SH3RF3: variants seen among roughly 807,000 people sequenced by gnomAD.
SH3RF3 encodes E3 ubiquitin-protein ligase SH3RF3.
In SH3RF3, 29 loss-of-function variants were observed where a neutral mutation model predicts 66.3. The observed-to-expected ratio is 0.44, with a 90% CI of 0.33 to 0.60. The LOEUF (loss-of-function observed/expected upper bound fraction) is 0.60, where lower values mean the gene tolerates loss of function less well. SH3RF3 is among the 20% of genes least tolerant of loss of function. The pLI is 0.04. For synonymous variants in SH3RF3, 583 were observed against 532.0 expected (o/e 1.10, Z -1.32); for missense variants, 1,194 against 1,190.9 (o/e 1.00, Z -0.04).
chr2:109,264,837 G>A (rs1451331441), intron 1 of SH3RF3, among the ~76,000 whole-genome samples: 2 of 152,226 alleles, frequency 1.3e-5, no homozygotes, highest in African/African-American at 2.4e-5. Flanking sequence ...TTTCTGGAGT[G>A]TGCTATTTTC....
At chr2:109,331,905 C>G (rs1264931295) in intron 1 of SH3RF3, among the ~76,000 whole-genome samples, 1 of 152,200 alleles carries the variant, frequency 6.6e-6, no homozygotes, top group African/African-American at 2.4e-5. Flanking sequence ...AGTCCACTGC[C>G]TCTCTGGAGG....
intron 5 of SH3RF3, among the ~76,000 whole-genome samples, chr2:109,428,120 G>GA (rs1280372980): frequency 2.6e-5 from 4 of 152,216 alleles, no homozygotes; most frequent in Non-Finnish European, 4.4e-5. Context: ...TGGAAGAGGT[G>GA]AGGAGGAAGC....
intron 1 of SH3RF3, among the ~76,000 whole-genome samples, chr2:109,194,767 T>C (rs948533076): frequency 2.0e-5 from 3 of 152,212 alleles, no homozygotes; most frequent in African/African-American, 7.2e-5. Flanking sequence ...ATGCTCAAGC[T>C]CTGCCCAGAA....
chr2:109,257,640 T>C (rs1349803630), intron 1 of SH3RF3, among the ~76,000 whole-genome samples: 1 of 152,122 alleles, frequency 6.6e-6, no homozygotes, highest in Non-Finnish European at 1.5e-5. Context: ...AAGAAGACTT[T>C]CCTTCTGAGT....
At chr2:109,493,209 ACACT>A (rs1206439137) in intron 9 of SH3RF3, among the ~76,000 whole-genome samples, 2,178 of 151,868 alleles carry the variant, frequency 0.014, 47 homozygotes, top group African/African-American at 0.05. Flanking sequence ...TATCATATAA[ACACT>A]CACACATTAC....
At chr2:109,392,601 G>T (rs541028194) in intron 3 of SH3RF3, among the ~76,000 whole-genome samples, 1 of 152,014 alleles carries the variant, frequency 6.6e-6, no homozygotes, top group Admixed American at 6.6e-5. Flanking sequence ...CTCAAGCTCC[G>T]CCTCGTGGGT....
At chr2:109,285,141 C>T (rs1233721597) in intron 1 of SH3RF3, among the ~76,000 whole-genome samples, 3 of 152,200 alleles carry the variant, frequency 2.0e-5, no homozygotes, top group Non-Finnish European at 4.4e-5. Context: ...GTAGGGGTGA[C>T]AGTGAGGCTT....
intron 2 of SH3RF3, among the ~76,000 whole-genome samples, chr2:109,370,817 A>G: frequency 6.6e-6 from 1 of 152,012 alleles, no homozygotes; most frequent in East Asian, 1.9e-4. Context: ...TTGTGCATTT[A>G]TACTTGGTAT....
At position 109,486,212 on chromosome 2, in the gene SH3RF3, T is replaced by C. The variant is rs925026874; in HGVS notation, c.2149-4393T>C. 5.3e-5 allele frequency among the ~76,000 whole-genome samples: 8 copies of C among 152,370 alleles called. No individual in the cohort carries two copies. The East Asian group carries it at 1.2e-3, about 22-fold the overall frequency. On this transcript the variant is annotated intron_variant, in intron 8 of 9. Coordinates refer to ENST00000309415, the MANE Select transcript of SH3RF3 (RefSeq NM_001099289.3). ...TTGCATGACGACCATTGGCTTCTGA[T>C]TGATCACTTCCTATGTTCTGTATCA...
rs370281537 is a variant in SH3RF3 at position 109,392,642 on chromosome 2, C to A, written c.946-5948C>A. ...CCAGCCGTTCTCCTGCCTCAGCCTCCGGAGTAGCTGGGACTACAGGCGCCT... is the reference window on the plus strand; with the variant it reads ...CCAGCCGTTCTCCTGCCTCAGCCTCAGGAGTAGCTGGGACTACAGGCGCCT... On this transcript the variant is annotated intron_variant, in intron 3 of 9. Coordinates refer to ENST00000309415, the MANE Select transcript of SH3RF3 (RefSeq NM_001099289.3). 2.0e-5 allele frequency among the ~76,000 whole-genome samples: 3 copies of A among 152,228 alleles called. No homozygotes were observed. The South Asian group carries it at 6.2e-4, about 32-fold the overall frequency.
At chr2:109,420,530 C>G (rs376764758) in intron 5 of SH3RF3, among the ~76,000 whole-genome samples, 2 of 152,134 alleles carry the variant, frequency 1.3e-5, no homozygotes, top group South Asian at 4.1e-4. Flanking sequence ...ACTGCAAGCT[C>G]CGCCCCCCAG....
intron 6 of SH3RF3, among the ~76,000 whole-genome samples, chr2:109,433,666 T>C (rs1280254398): frequency 6.6e-6 from 1 of 152,202 alleles, no homozygotes; most frequent in Non-Finnish European, 1.5e-5. Context: ...TCGGGACACA[T>C]GCGGTGTTGA....
In SH3RF3 at chr2:109,486,975, C is replaced by G. The variant is rs201829501; in HGVS notation, c.2149-3630C>G. The stretch of plus-strand genomic sequence containing the variant: ...GCTGAACTGATTGGAGCCTGGCCAT[C>G]CAGAAGGGTCATTGGAATGGAAAGT... On this transcript the variant is annotated intron_variant, in intron 8 of 9. Transcript: ENST00000309415. Among the ~76,000 whole-genome samples, 12 of 152,246 alleles carry G rather than the reference C, an allele frequency of 7.9e-5. No individual in the cohort carries two copies. The East Asian group carries it at 2.3e-3, about 29-fold the overall frequency.
At chr2:109,228,549 A>C (rs1325813766) in intron 1 of SH3RF3, among the ~76,000 whole-genome samples, 2 of 152,070 alleles carry the variant, frequency 1.3e-5, no homozygotes, top group Non-Finnish European at 2.9e-5. Flanking sequence ...GCTAGTATGG[A>C]CCCTGCAGGT....
intron 8 of SH3RF3, among the ~76,000 whole-genome samples, chr2:109,478,658 A>C (rs1052104382): frequency 6.6e-6 from 1 of 152,118 alleles, no homozygotes; most frequent in African/African-American, 2.4e-5. Flanking sequence ...TTTCCATCCC[A>C]CACTTGTTTA....
intron 6 of SH3RF3, among the ~76,000 whole-genome samples, chr2:109,436,127 A>G (rs934181185): frequency 1.3e-5 from 2 of 152,208 alleles, no homozygotes; most frequent in Non-Finnish European, 2.9e-5. Context: ...GTGTCTTGAA[A>G]TAAGATCCTG....
intron 1 of SH3RF3, among the ~76,000 whole-genome samples, chr2:109,170,501 A>G (rs1308411621): frequency 6.6e-6 from 1 of 151,960 alleles, no homozygotes; most frequent in Non-Finnish European, 1.5e-5. Flanking sequence ...GCACACCACC[A>G]TGCCTGGCTA....
At chr2:109,352,974 C>T (rs1682871995) in intron 2 of SH3RF3, among the ~76,000 whole-genome samples, 1 of 152,274 alleles carries the variant, frequency 6.6e-6, no homozygotes, top group Non-Finnish European at 1.5e-5. Context: ...GAGCTCCTCT[C>T]CATGGGCACG....
intron 1 of SH3RF3, among the ~76,000 whole-genome samples, chr2:109,269,555 T>G (rs1680579681): frequency 6.6e-6 from 1 of 152,118 alleles, no homozygotes; most frequent in South Asian, 2.1e-4. Flanking sequence ...CCAAGTCTGG[T>G]GGATCACTTG....
Sources: gnomAD v4.1 joint callset for allele counts (sites outside exome capture counted in the v4.1 genomes callset) on GRCh38, gnomAD v4.1.1 for gene constraint, MANE v1.5 for transcripts, NCBI Gene and HGNC (gene_info 2026-07-23, HGNC 2026-07-21) for gene names.